The following KAZN variants were observed in gnomAD, a reference collection of about 807,000 sequenced individuals.
KAZN encodes the protein kazrin, periplakin interacting protein.
In KAZN, 40 loss-of-function variants were observed where a neutral mutation model predicts 87.4. The ratio of observed to expected loss-of-function variants is 0.46; its 90% CI spans 0.36 to 0.60. The LOEUF is 0.60. Among genes scored for constraint, KAZN ranks in the 20% least tolerant of loss-of-function variants. The probability of loss-of-function intolerance (pLI) is 0.00; values close to 1 mark genes in which losing one functional copy is unlikely to be tolerated. For missense variants in KAZN, 898 were observed against 1,073.9 expected (o/e 0.84, Z 2.29); for synonymous variants, 466 against 458.3 (o/e 1.02, Z -0.22).
At chr1:14,905,649 T>G (rs547436516) in intron 1 of KAZN, among the ~76,000 whole-genome samples, 3 of 151,640 alleles carry the variant, frequency 2.0e-5, no homozygotes, top group South Asian at 2.1e-4. Flanking sequence ...ATCGAGACCA[T>G]CCTGGCCAAC....
chr1:15,082,033 A>G (rs142333759), intron 8 of KAZN, among the ~76,000 whole-genome samples: 2 of 152,322 alleles, frequency 1.3e-5, no homozygotes, highest in Non-Finnish European at 2.9e-5. Flanking sequence ...GGTGGAGCCA[A>G]CTGAGACAGG....
chr1:14,151,340 C>T (rs576729565), intron 1 of KAZN, among the ~76,000 whole-genome samples: 1 of 151,926 alleles, frequency 6.6e-6, no homozygotes, highest in African/African-American at 2.4e-5. Context: ...AAATTTAGTG[C>T]CCCAGAAAGG....
At chr1:14,288,432 T>A (rs1167928282) in intron 2 of KAZN, among the ~76,000 whole-genome samples, 1 of 152,250 alleles carries the variant, frequency 6.6e-6, no homozygotes, top group African/African-American at 2.4e-5. Context: ...CACGAATTTA[T>A]CCATTTCTTC....
intron 2 of KAZN, among the ~76,000 whole-genome samples, chr1:14,591,892 A>T (rs1029692773): frequency 6.6e-6 from 1 of 150,562 alleles, no homozygotes; most frequent in Non-Finnish European, 1.5e-5. Flanking sequence ...TAAGCCCCAC[A>T]CTCCTCTCCC....
chr1:14,229,434 A>G (rs1014982462), intron 2 of KAZN, among the ~76,000 whole-genome samples: 1 of 152,316 alleles, frequency 6.6e-6, no homozygotes, highest in African/African-American at 2.4e-5. Context: ...CTGAATATGA[A>G]TATTTTATGT....
chr1:14,267,660 G>C (rs925637120), intron 2 of KAZN, among the ~76,000 whole-genome samples: 2 of 152,138 alleles, frequency 1.3e-5, no homozygotes, highest in Non-Finnish European at 2.9e-5. Flanking sequence ...CTAAAAGAAC[G>C]AATGAATCTA....
chr1:14,190,272 G>A (rs1269785374), intron 2 of KAZN, among the ~76,000 whole-genome samples: 4 of 152,148 alleles, frequency 2.6e-5, no homozygotes, highest in Non-Finnish European at 5.9e-5. Flanking sequence ...AATAAAGGTA[G>A]TGAAAGATTA....
Position 14,599,279 on chromosome 1 carries a change from C to G in KAZN, c.226+56C>G, listed in dbSNP as rs1676756816. 6 of 1,281,688 alleles carry G rather than the reference C, an allele frequency of 4.7e-6. No individual in the cohort carries two copies. The highest frequency in any genetic ancestry group is 5.9e-6 in the Non-Finnish European group (6 of 1,015,778). The allele number at this position is 1,281,688 out of a possible 1,614,324, so 79.4% of individuals were successfully genotyped here. On this transcript the variant is annotated intron_variant, in intron 1 of 14. Transcript: ENST00000376030. This position sits in a 1 kb window ranked among gnomAD's most constrained non-coding sequence, Gnocchi z 4.4. ...AAGGCGAGCAGAGCACGCCCGGCCTCGGAGGTGGCCGGGGACCCGGGGTCC... is the reference window on the plus strand; with the variant it reads ...AAGGCGAGCAGAGCACGCCCGGCCTGGGAGGTGGCCGGGGACCCGGGGTCC...
intron 2 of KAZN, among the ~76,000 whole-genome samples, chr1:14,378,104 C>T (rs1004953596): frequency 1.9e-4 from 29 of 152,096 alleles, no homozygotes; most frequent in Admixed American, 9.8e-4. Flanking sequence ...GTGCTAGGTG[C>T]TCTTCTAACC....
chr1:14,846,706 C>T (rs1648812032), intron 1 of KAZN, among the ~76,000 whole-genome samples: 2 of 152,152 alleles, frequency 1.3e-5, no homozygotes, highest in South Asian at 2.1e-4. Flanking sequence ...AGTTATCATC[C>T]TCATTTTGCA....
intron 3 of KAZN, among the ~76,000 whole-genome samples, chr1:15,041,760 C>T (rs1364251553): frequency 6.6e-6 from 1 of 152,062 alleles, no homozygotes; most frequent in African/African-American, 2.4e-5. Context: ...AAATTCCCAC[C>T]ACCCCCAACC....
At chr1:14,377,823 G>A (rs1661036952) in intron 2 of KAZN, among the ~76,000 whole-genome samples, 1 of 152,126 alleles carries the variant, frequency 6.6e-6, no homozygotes, top group African/African-American at 2.4e-5. Flanking sequence ...CTCATTCTTT[G>A]TGCTCGGAGG....
chr1:14,019,962 T>C (rs1640747414), intron 1 of KAZN, among the ~76,000 whole-genome samples: 1 of 152,030 alleles, frequency 6.6e-6, no homozygotes, highest in Admixed American at 6.6e-5. Flanking sequence ...AATGAAATAA[T>C]CATACAACTC....
At chr1:14,300,327 G>C (rs1260940507) in intron 2 of KAZN, among the ~76,000 whole-genome samples, 1 of 152,000 alleles carries the variant, frequency 6.6e-6, no homozygotes, top group Non-Finnish European at 1.5e-5. Context: ...GACCTCCTGG[G>C]CTCAAGTGAT....
At chr1:14,917,226 G>A (rs950386894) in intron 1 of KAZN, among the ~76,000 whole-genome samples, 1 of 152,162 alleles carries the variant, frequency 6.6e-6, no homozygotes, top group Non-Finnish European at 1.5e-5. Flanking sequence ...CCCCACCAAG[G>A]GCAAAGGTCT....
At chr1:14,750,763 G>A (rs1572391184) in intron 1 of KAZN, among the ~76,000 whole-genome samples, 1 of 152,322 alleles carries the variant, frequency 6.6e-6, no homozygotes, top group East Asian at 1.9e-4. Context: ...TGAGCCCTGT[G>A]CTGCTAGTCA....
rs117904597 is a variant in KAZN, at chr1:14,932,121, G to A, written c.227-28563G>A. Among the ~76,000 whole-genome samples the A allele has an allele frequency of 3.3e-3, 506 of 152,254 alleles. 12 individuals carry two copies. In the South Asian group the frequency reaches 0.049, roughly 15 times the overall value. ...CTGAATTCCTGGCTCCTTGAGCCCCGCAGAGGAGCCAAGGCGCTGGGCAGG... is the reference window on the plus strand; with the variant it reads ...CTGAATTCCTGGCTCCTTGAGCCCCACAGAGGAGCCAAGGCGCTGGGCAGG... On this transcript the variant is annotated intron_variant, in intron 1 of 14. Coordinates refer to ENST00000376030, the MANE Select transcript of KAZN (RefSeq NM_201628.3).
chr1:14,328,257 G>A (rs961375090), intron 2 of KAZN, among the ~76,000 whole-genome samples: 2 of 152,184 alleles, frequency 1.3e-5, no homozygotes, highest in African/African-American at 2.4e-5. Context: ...TGATATGTAT[G>A]TGTGAATTTA....
chr1:14,647,386 T>C (rs1414926272), intron 1 of KAZN, among the ~76,000 whole-genome samples: 1 of 152,254 alleles, frequency 6.6e-6, no homozygotes, highest in Non-Finnish European at 1.5e-5. Context: ...GAGTAGTTCA[T>C]ATCTTTATTT....
Sources: gnomAD v4.1 joint callset for allele counts (sites outside exome capture counted in the v4.1 genomes callset) on GRCh38, gnomAD v4.1.1 for gene constraint, Gnocchi (gnomAD v3.1) non-coding constraint, MANE v1.5 for transcripts, NCBI Gene and HGNC (gene_info 2026-07-23, HGNC 2026-07-21) for gene names.